CCSER1: variants seen among roughly 807,000 people sequenced by gnomAD.
CCSER1 encodes the protein coiled-coil serine rich protein 1.
Under a neutral mutation model 82.0 loss-of-function variants are expected in CCSER1, and 41 were observed. That is an observed-to-expected ratio of 0.50 (90% confidence interval 0.39 to 0.65). CCSER1 has a LOEUF of 0.65. Among genes scored for constraint, CCSER1 ranks in the 30% least tolerant of loss-of-function variants. The pLI is 0.00. For synonymous variants in CCSER1, 414 were observed against 383.9 expected (o/e 1.08, Z -0.92); for missense variants, 1,119 against 1,064.2 (o/e 1.05, Z -0.72).
intron 8 of CCSER1, among the ~76,000 whole-genome samples, chr4:90,842,206 T>G (rs1184107841): frequency 1.3e-5 from 2 of 152,316 alleles, no homozygotes; most frequent in Admixed American, 6.5e-5. Context: ...CAAAAACATA[T>G]ATTTTCTTCT....
intron 3 of CCSER1, among the ~76,000 whole-genome samples, chr4:90,369,854 G>A (rs1747067984): frequency 6.6e-6 from 1 of 151,958 alleles, no homozygotes; most frequent in Non-Finnish European, 1.5e-5. Context: ...TTTCTTAGCA[G>A]CACTTTTAAA....
chr4:90,497,610 C>T (rs1769229903), intron 5 of CCSER1, among the ~76,000 whole-genome samples: 1 of 152,054 alleles, frequency 6.6e-6, no homozygotes, highest in Non-Finnish European at 1.5e-5. Flanking sequence ...AGAAGTAGCT[C>T]AATGCAAACA....
chr4:90,196,530 C>A (rs1158663278), intron 1 of CCSER1, among the ~76,000 whole-genome samples: 1 of 151,964 alleles, frequency 6.6e-6, no homozygotes, highest in Non-Finnish European at 1.5e-5. Flanking sequence ...CAAACTCTCC[C>A]AGGCTCTCTC....
chr4:90,350,775 A>T (rs1743285721), intron 3 of CCSER1, among the ~76,000 whole-genome samples: 1 of 152,124 alleles, frequency 6.6e-6, no homozygotes, highest in South Asian at 2.1e-4. Context: ...CACAAAAGGA[A>T]TCTTGAAGAA....
intron 10 of CCSER1, among the ~76,000 whole-genome samples, chr4:91,445,578 G>T (rs150721319): frequency 6.6e-6 from 1 of 151,656 alleles, no homozygotes; most frequent in Admixed American, 6.6e-5. Flanking sequence ...TGATGTATTC[G>T]TTATCATTCT....
At chr4:90,360,213 G>A (rs1398073254) in intron 3 of CCSER1, among the ~76,000 whole-genome samples, 1 of 146,370 alleles carries the variant, frequency 6.8e-6, no homozygotes, top group Non-Finnish European at 1.5e-5. Flanking sequence ...CACCGCGCCC[G>A]GCCACAATAT....
At chr4:90,191,311 A>G (rs540642049) in intron 1 of CCSER1, among the ~76,000 whole-genome samples, 1 of 152,072 alleles carries the variant, frequency 6.6e-6, no homozygotes, top group Non-Finnish European at 1.5e-5. Context: ...CGGGGGGTAT[A>G]AAACCTGGTG....
chr4:90,875,880 A>G (rs572498922), intron 8 of CCSER1, among the ~76,000 whole-genome samples: 1 of 152,298 alleles, frequency 6.6e-6, no homozygotes, highest in Admixed American at 6.5e-5. Flanking sequence ...AATATAACCA[A>G]ACAAAATTAA....
intron 10 of CCSER1, among the ~76,000 whole-genome samples, chr4:91,506,766 C>A (rs1327276576): frequency 6.6e-6 from 1 of 152,060 alleles, no homozygotes; most frequent in African/African-American, 2.4e-5. Flanking sequence ...TTACCATTGC[C>A]TAATTTATAA....
chr4:90,672,829 G>A (rs1182985192), intron 6 of CCSER1, among the ~76,000 whole-genome samples: 1 of 151,876 alleles, frequency 6.6e-6, no homozygotes, highest in East Asian at 1.9e-4. Flanking sequence ...TCAGGAAATA[G>A]GGAGATCCAA....
At chr4:91,299,664 T>C (rs931464395) in intron 10 of CCSER1, among the ~76,000 whole-genome samples, 2 of 151,994 alleles carry the variant, frequency 1.3e-5, no homozygotes. Flanking sequence ...CCATACTCTA[T>C]GCATCTTTCT....
intron 10 of CCSER1, among the ~76,000 whole-genome samples, chr4:91,457,403 A>C (rs769884171): frequency 2.6e-5 from 4 of 152,122 alleles, no homozygotes; most frequent in Admixed American, 6.6e-5. Context: ...TTGGTGGCTC[A>C]TGCCTGTACT....
chr4:90,493,197 G>A (rs1768356548), intron 5 of CCSER1, among the ~76,000 whole-genome samples: 1 of 152,168 alleles, frequency 6.6e-6, no homozygotes, highest in Non-Finnish European at 1.5e-5. Flanking sequence ...AATGAAGTGA[G>A]AAGACAAGTT....
chr4:90,868,939 C>T (rs147828227), intron 8 of CCSER1, among the ~76,000 whole-genome samples: 6,835 of 152,110 alleles, frequency 0.045, 332 homozygotes, highest in East Asian at 0.22. Context: ...TTTTGATTTG[C>T]ATTTCTCTGA....
At chr4:90,396,398 T>C (rs755636775) in intron 3 of CCSER1, among the ~76,000 whole-genome samples, 2 of 152,158 alleles carry the variant, frequency 1.3e-5, no homozygotes, top group African/African-American at 2.4e-5. Flanking sequence ...CTGGTTTACT[T>C]ACAGATCCTT....
chr4:90,401,027 A>G (rs772346239), intron 4 of CCSER1, among the ~76,000 whole-genome samples: 10 of 152,124 alleles, frequency 6.6e-5, no homozygotes, highest in African/African-American at 9.7e-5. Flanking sequence ...TAGTTGTAAA[A>G]CTTTATGATG....
chr4:90,438,708 T>A (rs1482174857), intron 4 of CCSER1, among the ~76,000 whole-genome samples: 1 of 152,176 alleles, frequency 6.6e-6, no homozygotes, highest in Non-Finnish European at 1.5e-5. Context: ...TCATGGTAGA[T>A]CAGCATCCTT....
intron 9 of CCSER1, among the ~76,000 whole-genome samples, chr4:91,042,581 A>G (rs919786051): frequency 6.6e-6 from 1 of 152,154 alleles, no homozygotes; most frequent in African/African-American, 2.4e-5. Flanking sequence ...TCTTTCACTA[A>G]TATTCAGTAC....
chr4:91,458,105 A>G (rs1407129652), intron 10 of CCSER1, among the ~76,000 whole-genome samples: 5 of 151,990 alleles, frequency 3.3e-5, no homozygotes, highest in African/African-American at 4.8e-5. Context: ...TAGTTCTCCA[A>G]TTTTTTTCTT....
Sources: allele counts gnomAD v4.1 joint callset (sites outside exome capture counted in the v4.1 genomes callset), GRCh38; gene constraint gnomAD v4.1.1; transcripts MANE v1.5; gene names NCBI Gene and HGNC (gene_info 2026-07-23, HGNC 2026-07-21).